TSHR: variants seen among roughly 807,000 people sequenced by gnomAD.
TSHR encodes thyrotropin receptor.
TSHR carries 51 observed loss-of-function variants against 64.1 expected under a neutral mutation model. The observed-to-expected ratio is 0.80, with a 90% CI of 0.64 to 1.01. The LOEUF is 1.01. TSHR is among the 50% of genes least tolerant of loss of function. The pLI, the probability that TSHR is intolerant of heterozygous loss-of-function variation, is 0.00. For missense variants in TSHR, 877 were observed against 942.8 expected, an observed-to-expected ratio of 0.93 and a Z score of 0.91; for synonymous variants, 361 against 361.9, an observed-to-expected ratio of 1.00 and a Z score of 0.03.
intron 1 of TSHR, among the ~76,000 whole-genome samples, chr14:81,048,032 T>C (rs1010157049): frequency 2.6e-5 from 4 of 152,198 alleles, no homozygotes; most frequent in Admixed American, 6.5e-5. Context: ...TATATTATAA[T>C]TCCTGACATT....
chr14:81,024,040 T>C (rs1400517464), intron 1 of TSHR, among the ~76,000 whole-genome samples: 2 of 152,180 alleles, frequency 1.3e-5, no homozygotes, highest in African/African-American at 4.8e-5. Context: ...GCCTGGGAAC[T>C]CATCTGCTGC....
At chr14:81,060,376 CAATT>C (rs1886148687) in intron 1 of TSHR, among the ~76,000 whole-genome samples, 2 of 152,014 alleles carry the variant, frequency 1.3e-5, no homozygotes, top group African/African-American at 4.8e-5. Flanking sequence ...CCGGATAACT[CAATT>C]AAGGAAATAA....
chr14:81,019,881 C>T (rs377522515), intron 1 of TSHR, among the ~76,000 whole-genome samples: 91 of 152,110 alleles, frequency 6.0e-4, no homozygotes, highest in African/African-American at 1.5e-3. Context: ...TGGGTTGGTT[C>T]CAAGTCTTTA....
intron 1 of TSHR, among the ~76,000 whole-genome samples, chr14:80,983,957 C>T (rs1028230148): frequency 1.3e-5 from 2 of 152,182 alleles, no homozygotes; most frequent in African/African-American, 4.8e-5. Flanking sequence ...TTAGATCCAT[C>T]TGTGGCTTAA....
chr14:81,107,602 G>A (rs139039119), intron 7 of TSHR, among the ~76,000 whole-genome samples: 84 of 152,234 alleles, frequency 5.5e-4, no homozygotes, highest in African/African-American at 2.0e-3. Flanking sequence ...AATGCCCAGT[G>A]TGTTTTTAAA....
intron 1 of TSHR, among the ~76,000 whole-genome samples, chr14:80,970,100 T>C (rs1566741821): frequency 1.3e-5 from 2 of 152,236 alleles, no homozygotes; most frequent in East Asian, 3.8e-4. Flanking sequence ...TTTTTTTGGC[T>C]GGCATTAGCT....
At chr14:81,001,636 T>C (rs1323917523) in intron 1 of TSHR, 3 of 520,380 alleles carry the variant, frequency 5.8e-6, no homozygotes, top group Non-Finnish European at 1.2e-5. Flanking sequence ...ACACACTGTT[T>C]CTGTGAAGTG....
chr14:81,034,382 C>A (rs142631753), intron 1 of TSHR, among the ~76,000 whole-genome samples: 70 of 152,300 alleles, frequency 4.6e-4, no homozygotes, highest in African/African-American at 1.5e-3. Flanking sequence ...GTCCCATCTA[C>A]CTGAGAGGCT....
At chr14:80,980,169 A>G (rs2139719434) in intron 1 of TSHR, among the ~76,000 whole-genome samples, 1 of 152,298 alleles carries the variant, frequency 6.6e-6, no homozygotes, top group Admixed American at 6.5e-5. Context: ...AGAATGTGTC[A>G]TTCACTCTGC....
chr14:81,088,828 T>C (rs1222819127), intron 4 of TSHR, among the ~76,000 whole-genome samples: 3 of 152,186 alleles, frequency 2.0e-5, no homozygotes, highest in South Asian at 2.1e-4. Flanking sequence ...AAACTTATGT[T>C]ATCATAGATA....
At chr14:81,054,476 C>T (rs536134329) in intron 1 of TSHR, among the ~76,000 whole-genome samples, 32 of 152,204 alleles carry the variant, frequency 2.1e-4, no homozygotes, top group South Asian at 2.1e-4. Context: ...AGAGCAGTTT[C>T]GAGGGCTCAG....
At chr14:80,983,062 T>C in intron 1 of TSHR, 1 of 555,810 alleles carries the variant, frequency 1.8e-6, no homozygotes, top group Non-Finnish European at 3.3e-6. Flanking sequence ...TGCCCAAGAG[T>C]TTATTAATGA....
At chr14:81,066,554 G>A (rs1188081000) in intron 2 of TSHR, among the ~76,000 whole-genome samples, 1 of 152,140 alleles carries the variant, frequency 6.6e-6, no homozygotes. Flanking sequence ...TAATAACCAA[G>A]ATAAAAACTT....
intron 8 of TSHR, among the ~76,000 whole-genome samples, chr14:81,128,846 C>A (rs939128102): frequency 4.6e-5 from 7 of 152,124 alleles, no homozygotes; most frequent in Admixed American, 2.6e-4. Context: ...TGCAAACTGC[C>A]CACCACTCTT....
intron 1 of TSHR, among the ~76,000 whole-genome samples, chr14:81,031,049 T>C (rs2300525): frequency 0.24 from 37,152 of 152,026 alleles, 4,662 homozygotes; most frequent in South Asian, 0.33. Context: ...GTTGCCTCAA[T>C]TAATAAAACA....
At chr14:80,976,960 T>C (rs775387743) in intron 1 of TSHR, among the ~76,000 whole-genome samples, 1 of 152,270 alleles carries the variant, frequency 6.6e-6, no homozygotes, top group Non-Finnish European at 1.5e-5. Context: ...TACCCCACCA[T>C]GGCAGATGCC....
intron 1 of TSHR, among the ~76,000 whole-genome samples, chr14:80,974,864 G>A (rs184538033): frequency 6.6e-5 from 10 of 152,278 alleles, no homozygotes; most frequent in Admixed American, 6.5e-4. Context: ...TAAAAGTCAC[G>A]GTGAAGAGCA....
At chr14:81,053,003 T>G (rs1158281703) in intron 1 of TSHR, 1 of 152,062 alleles carries the variant, frequency 6.6e-6, no homozygotes, top group Non-Finnish European at 1.5e-5. Context: ...CACATGATTA[T>G]GGAGGCTAAG....
In TSHR at chr14:80,964,404, GT is replaced by G. The variant is rs569135856; in HGVS notation, c.170+8556del. On this transcript the variant is annotated intron_variant, in intron 1 of 9. Coordinates refer to ENST00000298171, the MANE Select transcript of TSHR (RefSeq NM_000369.5). The stretch of plus-strand genomic sequence containing the variant: ...TAATTCGTAATACATAAAACATATT[GT>G]TAAATGAATTAGTTTTGTCTGAATT... 2.4e-3 allele frequency among the ~76,000 whole-genome samples: 361 copies of G among 152,336 alleles called. 4 individuals carry two copies. Among genetic ancestry groups the G allele is most frequent in the African/African-American group, 8.3e-3 (343 of 41,570 alleles).
Sources: allele counts gnomAD v4.1 joint callset (sites outside exome capture counted in the v4.1 genomes callset), GRCh38; gene constraint gnomAD v4.1.1; transcripts MANE v1.5; gene names NCBI Gene and HGNC (gene_info 2026-07-23, HGNC 2026-07-21).